Variants in WWOX observed in about 807,000 individuals in gnomAD.
WWOX encodes WW domain containing oxidoreductase.
A neutral mutation model predicts 46.2 loss-of-function variants in WWOX; 69 were observed. The observed-to-expected ratio is 1.49, with a 90% CI of 1.23 to 1.82. The LOEUF (loss-of-function observed/expected upper bound fraction) is 1.82, where lower values mean the gene tolerates loss of function less well. WWOX is among the 40% of genes most tolerant of loss of function. The pLI is 0.00. For missense variants in WWOX, 919 were observed against 542.6 expected, an observed-to-expected ratio of 1.69 and a Z score of -6.89; for synonymous variants, 359 against 202.6, an observed-to-expected ratio of 1.77 and a Z score of -6.56.
intron 6 of WWOX, among the ~76,000 whole-genome samples, chr16:78,407,776 C>T (rs553450460): frequency 6.6e-6 from 1 of 152,308 alleles, no homozygotes; most frequent in South Asian, 2.1e-4. Context: ...AGAAAAATAG[C>T]ATTGATTCAA....
At chr16:78,888,776 T>C (rs2044522651) in intron 8 of WWOX, among the ~76,000 whole-genome samples, 2 of 151,984 alleles carry the variant, frequency 1.3e-5, no homozygotes, top group Non-Finnish European at 2.9e-5. Flanking sequence ...CTATGACCTT[T>C]GTCACTGTTG....
At chr16:78,539,268 A>T (rs911653204) in intron 8 of WWOX, among the ~76,000 whole-genome samples, 12 of 152,252 alleles carry the variant, frequency 7.9e-5, no homozygotes, top group African/African-American at 2.9e-4. Flanking sequence ...AAATCACAGG[A>T]ATCTGCGTGA....
At chr16:79,091,775 C>CTTTTTTTTTTTTTTTTTTTT (rs771753213) in intron 8 of WWOX, among the ~76,000 whole-genome samples, 6 of 126,844 alleles carry the variant, frequency 4.7e-5, no homozygotes, top group Non-Finnish European at 8.1e-5. Flanking sequence ...CTTTTCTTTT[C>CTTTTTTTTTTTTTTTTTTTT]TTTGTTTTTT....
At chr16:78,604,194 A>G (rs908976839) in intron 8 of WWOX, among the ~76,000 whole-genome samples, 2 of 152,138 alleles carry the variant, frequency 1.3e-5, no homozygotes, top group African/African-American at 2.4e-5. Context: ...ACAAATTCAG[A>G]TGCATGTGGA....
intron 5 of WWOX, among the ~76,000 whole-genome samples, chr16:78,288,778 T>G (rs1021330383): frequency 6.6e-6 from 1 of 152,170 alleles, no homozygotes; most frequent in African/African-American, 2.4e-5. Flanking sequence ...ATAGGCCCAG[T>G]CAGCGCATCA....
intron 8 of WWOX, among the ~76,000 whole-genome samples, chr16:78,726,135 C>T (rs987371223): frequency 1.4e-5 from 2 of 142,412 alleles, no homozygotes; most frequent in Admixed American, 7.2e-5. Flanking sequence ...CTCCCTCTCT[C>T]TTTTTCTCTT....
intron 8 of WWOX, among the ~76,000 whole-genome samples, chr16:78,478,457 CGAT>C (rs2084406403): frequency 1.3e-5 from 2 of 152,234 alleles, no homozygotes; most frequent in South Asian, 2.1e-4. Flanking sequence ...AAAGAAAAAG[CGAT>C]GATAATGACG....
At chr16:78,541,754 C>T (rs1369057398) in intron 8 of WWOX, among the ~76,000 whole-genome samples, 1 of 151,870 alleles carries the variant, frequency 6.6e-6, no homozygotes, top group African/African-American at 2.4e-5. Context: ...ACCCACCTCC[C>T]AGGGTTATAT....
At chr16:78,956,513 G>A (rs1031804677) in intron 8 of WWOX, among the ~76,000 whole-genome samples, 1 of 152,002 alleles carries the variant, frequency 6.6e-6, no homozygotes, top group African/African-American at 2.4e-5. Flanking sequence ...AAAGTCTATA[G>A]GTTCATTAGG....
At chr16:79,103,080 G>A (rs1466951036) in intron 8 of WWOX, among the ~76,000 whole-genome samples, 1 of 151,738 alleles carries the variant, frequency 6.6e-6, no homozygotes, top group African/African-American at 2.4e-5. Flanking sequence ...ATAACCCTCT[G>A]GCAAAGGCAA....
intron 8 of WWOX, among the ~76,000 whole-genome samples, chr16:78,482,596 G>C (rs2738689): frequency 0.92 from 140,563 of 152,222 alleles, 65,223 homozygotes; most frequent in Non-Finnish European, 0.97. Flanking sequence ...TAAGTGCTTT[G>C]CATGTGATTT....
chr16:78,716,977 C>G (rs961733577), intron 8 of WWOX, among the ~76,000 whole-genome samples: 6 of 152,164 alleles, frequency 3.9e-5, no homozygotes, highest in African/African-American at 1.2e-4. Flanking sequence ...TCTTGATGTT[C>G]TCAGTCGTAA....
At chr16:79,046,969 C>T (rs946588348) in intron 8 of WWOX, among the ~76,000 whole-genome samples, 8 of 152,190 alleles carry the variant, frequency 5.3e-5, no homozygotes, top group Admixed American at 5.2e-4. Flanking sequence ...TAACCCCCAG[C>T]CTGAGCTACC....
At chr16:79,191,068 C>T (rs886341163) in intron 8 of WWOX, among the ~76,000 whole-genome samples, 9 of 152,006 alleles carry the variant, frequency 5.9e-5, no homozygotes, top group Non-Finnish European at 1.2e-4. Context: ...TTTTAAGAGA[C>T]GGGGTCTCGC....
rs141124119 is a variant in WWOX, at chr16:78,425,630, C to G, written c.791+575C>G. Among the ~76,000 whole-genome samples, 1,302 of 152,228 alleles carry G rather than the reference C, an allele frequency of 8.6e-3. 13 individuals carry two copies. Among genetic ancestry groups the G allele is most frequent in the South Asian group, 0.017 (82 of 4,826 alleles). On this transcript the variant is annotated intron_variant, in intron 7 of 8. Coordinates refer to ENST00000566780, the MANE Select transcript of WWOX (RefSeq NM_016373.4). ...TGCCATTAGGAGAATATTCAATTGA[C>G]TGAAAAGGACATTTGAAAATTTCCT...
intron 8 of WWOX, among the ~76,000 whole-genome samples, chr16:78,555,116 C>G (rs1344502430): frequency 1.4e-5 from 2 of 146,182 alleles, no homozygotes; most frequent in Admixed American, 7.0e-5. Flanking sequence ...GTCTCTATCT[C>G]TCTTTCTCTC....
At chr16:78,592,850 T>C (rs2045383228) in intron 8 of WWOX, among the ~76,000 whole-genome samples, 1 of 152,164 alleles carries the variant, frequency 6.6e-6, no homozygotes, top group Non-Finnish European at 1.5e-5. Context: ...ATCTTCATGA[T>C]AACTCGCTGC....
chr16:78,877,282 C>A (rs1185046726), intron 8 of WWOX, among the ~76,000 whole-genome samples: 2 of 150,518 alleles, frequency 1.3e-5, no homozygotes, highest in Non-Finnish European at 3.0e-5. Flanking sequence ...CCTGCCTCCC[C>A]CCCTCTGACC....
At chr16:79,014,257 T>G (rs928037315) in intron 8 of WWOX, among the ~76,000 whole-genome samples, 1 of 152,164 alleles carries the variant, frequency 6.6e-6, no homozygotes, top group South Asian at 2.1e-4. Context: ...TTATGACGCA[T>G]GGGACGGGAG....
Sources: gnomAD v4.1 joint callset for allele counts (sites outside exome capture counted in the v4.1 genomes callset) on GRCh38, gnomAD v4.1.1 for gene constraint, MANE v1.5 for transcripts, NCBI Gene and HGNC (gene_info 2026-07-23, HGNC 2026-07-21) for gene names.